Variants in ULK4 observed in about 807,000 individuals in gnomAD.
ULK4 encodes unc-51 like kinase 4.
ULK4 carries 133 observed loss-of-function variants against 160.6 expected under a neutral mutation model. The ratio of observed to expected loss-of-function variants is 0.83; its 90% CI spans 0.72 to 0.96. The LOEUF (loss-of-function observed/expected upper bound fraction) is 0.96. Among genes scored for constraint, ULK4 ranks in the 40% least tolerant of loss-of-function variants. The pLI, the probability that ULK4 is intolerant of heterozygous loss-of-function variation, is 0.00. For synonymous variants in ULK4, 534 were observed against 539.8 expected (o/e 0.99, Z 0.15); for missense variants, 1,580 against 1,499.5 (o/e 1.05, Z -0.89).
At chr3:41,789,919 T>A in intron 20 of ULK4, 76 bp from the exon 21 acceptor site, 1 of 1,327,880 alleles carries the variant, frequency 7.5e-7, no homozygotes, top group Non-Finnish European at 1.0e-6. Flanking sequence ...AACACATGCT[T>A]CTGTGTCAAG....
intron 21 of ULK4, among the ~76,000 whole-genome samples, chr3:41,763,629 G>A (rs1327795363): frequency 3.9e-5 from 6 of 152,184 alleles, no homozygotes; most frequent in Non-Finnish European, 8.8e-5. Flanking sequence ...GTTGTTTAGA[G>A]TTTGGGTCTA....
At chr3:41,633,420 T>C (rs1299466923) in intron 30 of ULK4, among the ~76,000 whole-genome samples, 1 of 152,198 alleles carries the variant, frequency 6.6e-6, no homozygotes, top group East Asian at 1.9e-4. Flanking sequence ...TTTGCTTTTA[T>C]GATATAATGG....
At chr3:41,344,727 T>G (rs148186758) in intron 35 of ULK4, among the ~76,000 whole-genome samples, 4,760 of 128,156 alleles carry the variant, frequency 0.037, 302 homozygotes, top group African/African-American at 0.14. Flanking sequence ...TACTCCATCC[T>G]GGGTAACAGA....
intron 32 of ULK4, among the ~76,000 whole-genome samples, chr3:41,526,054 T>C (rs959658370): frequency 6.6e-6 from 1 of 152,232 alleles, no homozygotes; most frequent in Non-Finnish European, 1.5e-5. Context: ...CTTCCATGTC[T>C]TCCTAAGCTC....
chr3:41,798,820 TGA>T (rs1260087602), intron 20 of ULK4, among the ~76,000 whole-genome samples: 3 of 151,944 alleles, frequency 2.0e-5, no homozygotes, highest in Admixed American at 6.6e-5. Flanking sequence ...AGGAAACATT[TGA>T]GAGTCAGGAA....
At chr3:41,445,918 A>G in intron 34 of ULK4, among the ~76,000 whole-genome samples, 1 of 151,976 alleles carries the variant, frequency 6.6e-6, no homozygotes, top group Non-Finnish European at 1.5e-5. Flanking sequence ...AAAAGAAACC[A>G]CCATCAGAGT....
intron 31 of ULK4, among the ~76,000 whole-genome samples, chr3:41,607,526 T>C (rs1391519521): frequency 3.3e-5 from 5 of 152,168 alleles, no homozygotes; most frequent in Non-Finnish European, 5.9e-5. Flanking sequence ...ACCACTGCTA[T>C]AAAGGTATCA....
chr3:41,355,000 A>G (rs1481591116), intron 35 of ULK4, among the ~76,000 whole-genome samples: 1 of 152,160 alleles, frequency 6.6e-6, no homozygotes. Context: ...CATCAATTCT[A>G]AAGGAGTTGC....
chr3:41,412,270 C>A (rs1330572253), intron 34 of ULK4, among the ~76,000 whole-genome samples: 1 of 147,998 alleles, frequency 6.8e-6, no homozygotes, highest in Admixed American at 6.8e-5. Context: ...CAAAATATTG[C>A]TGAAAGTAAA....
intron 34 of ULK4, among the ~76,000 whole-genome samples, chr3:41,403,465 T>G (rs2125820242): frequency 6.6e-6 from 1 of 152,218 alleles, no homozygotes; most frequent in East Asian, 1.9e-4. Flanking sequence ...CTTATATTGA[T>G]AATTTCTGTC....
chr3:41,411,420 C>T (rs1262486783), intron 34 of ULK4, among the ~76,000 whole-genome samples: 10 of 143,052 alleles, frequency 7.0e-5, no homozygotes, highest in Non-Finnish European at 1.1e-4. Flanking sequence ...ACATTCCTTT[C>T]TTTTTTTTTT....
chr3:41,408,887 G>C (rs1177883648), intron 34 of ULK4, among the ~76,000 whole-genome samples: 2 of 152,094 alleles, frequency 1.3e-5, no homozygotes, highest in African/African-American at 2.4e-5. Context: ...ATGGTGCTGA[G>C]ACAACTGGAC....
chr3:41,526,927 A>G (rs1411429138), intron 32 of ULK4, among the ~76,000 whole-genome samples: 1 of 152,210 alleles, frequency 6.6e-6, no homozygotes, highest in South Asian at 2.1e-4. Context: ...AACATTTGAG[A>G]AAGTCTAAAA....
intron 35 of ULK4, among the ~76,000 whole-genome samples, chr3:41,272,502 G>A (rs573353797): frequency 8.9e-4 from 135 of 151,468 alleles, no homozygotes; most frequent in Middle Eastern, 6.8e-3. Context: ...TGCATGTAAT[G>A]CTTCCTTTTC....
chr3:41,338,606 G>A (rs1196002880), intron 35 of ULK4, among the ~76,000 whole-genome samples: 1 of 152,070 alleles, frequency 6.6e-6, no homozygotes, highest in Non-Finnish European at 1.5e-5. Context: ...TAATTTACCA[G>A]GAAGCTCTCC....
chr3:41,543,337 ATG>A (rs1402029766), intron 32 of ULK4, among the ~76,000 whole-genome samples: 1 of 152,112 alleles, frequency 6.6e-6, no homozygotes. Flanking sequence ...AAGGAGCCTC[ATG>A]TATATATATA....
chr3:41,689,377 G>C (rs899920440), intron 27 of ULK4, among the ~76,000 whole-genome samples: 3 of 152,174 alleles, frequency 2.0e-5, no homozygotes, highest in Non-Finnish European at 4.4e-5. Flanking sequence ...TGGAGTAATG[G>C]AGGGTTTATA....
At chr3:41,878,586 G>C (rs1269623354) in intron 17 of ULK4, among the ~76,000 whole-genome samples, 1 of 139,692 alleles carries the variant, frequency 7.2e-6, no homozygotes, top group Non-Finnish European at 1.5e-5. Context: ...ACTACAAATA[G>C]AAAGGAAATT....
At chr3:41,570,259 T>C (rs1192593397) in intron 31 of ULK4, among the ~76,000 whole-genome samples, 1 of 152,196 alleles carries the variant, frequency 6.6e-6, no homozygotes, top group Non-Finnish European at 1.5e-5. Context: ...TCTAAAAATT[T>C]TGAACTTCAG....
Sources: gnomAD v4.1 joint callset for allele counts (sites outside exome capture counted in the v4.1 genomes callset) on GRCh38, gnomAD v4.1.1 for gene constraint, MANE v1.5 for transcripts, NCBI Gene and HGNC (gene_info 2026-07-23, HGNC 2026-07-21) for gene names.